CRTC3: variants seen among roughly 807,000 people sequenced by gnomAD.
The protein encoded by CRTC3 is CREB regulated transcription coactivator 3.
A neutral mutation model predicts 74.5 loss-of-function variants in CRTC3; 26 were observed. The ratio of observed to expected loss-of-function variants is 0.35; its 90% confidence interval spans 0.26 to 0.48. CRTC3 has a LOEUF of 0.48. Ranked by LOEUF, CRTC3 falls within the 20% of genes least tolerant of loss-of-function variation. The pLI, the probability that CRTC3 is intolerant of heterozygous loss-of-function variation, is 0.99. For synonymous variants in CRTC3, 377 were observed against 325.8 expected, an observed-to-expected ratio of 1.16 and a Z score of -1.69; for missense variants, 760 against 787.3, an observed-to-expected ratio of 0.97 and a Z score of 0.41.
intron 4 of CRTC3, among the ~76,000 whole-genome samples, chr15:90,603,063 A>G (rs892280834): frequency 2.0e-5 from 3 of 152,232 alleles, no homozygotes; most frequent in Non-Finnish European, 2.9e-5. Context: ...CTAGATCTTC[A>G]TATTTAAAAC....
intron 11 of CRTC3, among the ~76,000 whole-genome samples, chr15:90,631,964 G>A (rs934831901): frequency 3.3e-5 from 5 of 151,474 alleles, no homozygotes; most frequent in Non-Finnish European, 5.9e-5. Flanking sequence ...GCAGTGGCGC[G>A]ATCACAGCTC....
At chr15:90,606,605 CAA>C (rs1401144585) in intron 5 of CRTC3, among the ~76,000 whole-genome samples, 2 of 151,730 alleles carry the variant, frequency 1.3e-5, no homozygotes, top group Non-Finnish European at 2.9e-5. Context: ...TTGAGGCCCT[CAA>C]AGAGTATTTG....
chr15:90,551,930 G>GCACA (rs1274060327), intron 2 of CRTC3, among the ~76,000 whole-genome samples: 2 of 93,790 alleles, frequency 2.1e-5, no homozygotes, highest in Admixed American at 1.1e-4. Flanking sequence ...TTACACACAC[G>GCACA]CACACACACA....
At chr15:90,557,000 C>G (rs28473383) in intron 2 of CRTC3, among the ~76,000 whole-genome samples, 5,321 of 115,458 alleles carry the variant, frequency 0.046, 398 homozygotes, top group African/African-American at 0.16. Flanking sequence ...ATATATATAT[C>G]TTTATAATAC....
At chr15:90,561,155 T>A (rs1967003333) in intron 2 of CRTC3, among the ~76,000 whole-genome samples, 1 of 152,184 alleles carries the variant, frequency 6.6e-6, no homozygotes, top group African/African-American at 2.4e-5. Context: ...TTGGGAGGAT[T>A]AAGTTAGGTA....
chr15:90,557,128 G>C (rs527379744), intron 2 of CRTC3, among the ~76,000 whole-genome samples: 1 of 152,098 alleles, frequency 6.6e-6, no homozygotes, highest in South Asian at 2.1e-4. Flanking sequence ...ACTCTAGCTA[G>C]GGAAGAAAAT....
chr15:90,568,959 G>T (rs927557102), intron 2 of CRTC3, among the ~76,000 whole-genome samples: 2 of 151,644 alleles, frequency 1.3e-5, no homozygotes, highest in African/African-American at 4.8e-5. Context: ...ACACTTAATA[G>T]ACTACAGTAT....
At chr15:90,536,462 T>A (rs1162308704) in intron 1 of CRTC3, among the ~76,000 whole-genome samples, 4 of 148,130 alleles carry the variant, frequency 2.7e-5, no homozygotes, top group Non-Finnish European at 5.9e-5. Context: ...GACACTGCAC[T>A]CCAGCCTGGG....
At chr15:90,618,040 C>G (rs1188433947) in intron 8 of CRTC3, 72 bp downstream of exon 8, 1 of 1,003,730 alleles carries the variant, frequency 1.0e-6, no homozygotes, top group African/African-American at 1.6e-5. Context: ...AAAAATCCTG[C>G]AGAGGTGAAA....
At chr15:90,606,444 C>T (rs979870983) in intron 5 of CRTC3, among the ~76,000 whole-genome samples, 1 of 152,022 alleles carries the variant, frequency 6.6e-6, no homozygotes, top group Non-Finnish European at 1.5e-5. Flanking sequence ...CGTCTATAAT[C>T]CCAGCTACAC....
At chr15:90,615,683 T>G (rs1275080781) in intron 7 of CRTC3, among the ~76,000 whole-genome samples, 2 of 152,178 alleles carry the variant, frequency 1.3e-5, no homozygotes, top group African/African-American at 2.4e-5. Flanking sequence ...CAATGAACTC[T>G]AAGAAAACAG....
At chr15:90,549,055 G>C (rs373665134) in intron 2 of CRTC3, among the ~76,000 whole-genome samples, 13 of 152,194 alleles carry the variant, frequency 8.5e-5, no homozygotes, top group East Asian at 5.8e-4. Context: ...CAGAAAACTG[G>C]TTACATCTTT....
At chr15:90,577,012 C>A in intron 2 of CRTC3, among the ~76,000 whole-genome samples, 1 of 142,048 alleles carries the variant, frequency 7.0e-6, no homozygotes, top group East Asian at 2.1e-4. Context: ...GTGGGAGAGG[C>A]TGGGCCATTT....
At position 90,530,052 on chromosome 15, in the gene CRTC3, GC is replaced by G; in HGVS notation, c.-17del. ...CCCACGGCCGCCGTCTCCCGCTTCT[GC>G]CCGCGCAGAGTCCGCGCCATGGCCG... is the stretch of plus-strand genomic sequence containing the variant. On this transcript the variant is annotated 5_prime_UTR_variant, in exon 1 of 15. Transcript: ENST00000268184. The surrounding 1 kb of genome is among the most constrained non-coding windows in gnomAD (Gnocchi z 6.2). 1 of 1,409,452 alleles carries G rather than the reference GC, an allele frequency of 7.1e-7. No homozygotes were observed. Among genetic ancestry groups the G allele is most frequent in the Non-Finnish European group, 9.4e-7 (1 of 1,065,558 alleles). The allele number at this position is 1,409,452 out of a possible 1,614,324, so 87.3% of individuals were successfully genotyped here.
At position 90,529,956 on chromosome 15, in the gene CRTC3, C is replaced by T. The variant is rs979915441; in HGVS notation, c.-116C>T. On this transcript the variant is annotated 5_prime_UTR_variant, in exon 1 of 15. Transcript: ENST00000268184. Reference sequence around the variant, plus strand: ...GGCCGCGGCGGCTCCTCTGCCGGGTCGCGCCGGACGACTGGCTTCGGGCGG... The same window carrying T: ...GGCCGCGGCGGCTCCTCTGCCGGGTTGCGCCGGACGACTGGCTTCGGGCGG... The T allele has an allele frequency of 2.0e-5, 16 of 813,838 alleles. No individual in the cohort carries two copies. Among genetic ancestry groups the T allele is most frequent in the Non-Finnish European group, 2.1e-5 (14 of 651,470 alleles). 50.4% of individuals were successfully genotyped at this position (813,838 alleles called of 1,614,324 possible).
chr15:90,619,630 C>T (rs1254816982), intron 8 of CRTC3, 111 bp from the exon 9 acceptor site: 53 of 833,126 alleles, frequency 6.4e-5, no homozygotes, highest in Non-Finnish European at 1.2e-5. Context: ...TGTCGACACG[C>T]AAGCTCTCAC....
chr15:90,569,111 G>C (rs1967195956), intron 2 of CRTC3, among the ~76,000 whole-genome samples: 1 of 151,386 alleles, frequency 6.6e-6, no homozygotes, highest in Non-Finnish European at 1.5e-5. Flanking sequence ...TCCCATTCCA[G>C]CCTCCTGAGT....
At chr15:90,587,070 G>A (rs747461226) in intron 2 of CRTC3, among the ~76,000 whole-genome samples, 9 of 152,140 alleles carry the variant, frequency 5.9e-5, no homozygotes, top group Non-Finnish European at 1.2e-4. Flanking sequence ...TACCCAAACA[G>A]TTAATGCAAA....
At chr15:90,566,018 A>G (rs747687582) in intron 2 of CRTC3, among the ~76,000 whole-genome samples, 2 of 152,256 alleles carry the variant, frequency 1.3e-5, no homozygotes, top group Non-Finnish European at 2.9e-5. Flanking sequence ...CTTGAAGGAA[A>G]TTAAGTGCTA....
Sources: gnomAD v4.1 joint callset for allele counts (sites outside exome capture counted in the v4.1 genomes callset) on GRCh38, gnomAD v4.1.1 for gene constraint, Gnocchi (gnomAD v3.1) non-coding constraint, MANE v1.5 for transcripts, NCBI Gene and HGNC (gene_info 2026-07-23, HGNC 2026-07-21) for gene names.